Variants in PSG11 observed in about 807,000 individuals in gnomAD.
PSG11 encodes the protein pregnancy specific beta-1-glycoprotein 11.
Under a neutral mutation model 36.0 loss-of-function variants are expected in PSG11, and 42 were observed. The observed-to-expected ratio is 1.17, with a 90% CI of 0.91 to 1.51. The LOEUF is 1.51. Ranked by LOEUF, PSG11 falls within the 40% of genes most tolerant of loss-of-function variation. PSG11 has a pLI of 0.00. For missense variants in PSG11, 558 were observed against 403.5 expected (o/e 1.38, Z -3.28); for synonymous variants, 206 against 153.5 (o/e 1.34, Z -2.53).
intron 2 of PSG11, among the ~76,000 whole-genome samples, chr19:43,023,009 A>G (rs1053497636): frequency 1.3e-4 from 19 of 150,768 alleles, no homozygotes; most frequent in Non-Finnish European, 1.8e-4. Flanking sequence ...AGAAGCAGAG[A>G]GAGGCAGAGA....
intron 4 of PSG11, chr19:43,014,887 C>T: frequency 2.1e-6 from 3 of 1,396,484 alleles, no homozygotes; most frequent in South Asian, 1.5e-5. Context: ...CTGATAAAGC[C>T]CCCTCCCTAC....
At position 43,024,903 on chromosome 19, in the gene PSG11, C is replaced by G. The variant is rs142187643; in HGVS notation, c.218G>C (p.Arg73Thr). 1.4e-4 allele frequency: 229 copies of G among 1,611,734 alleles called. 8 individuals carry two copies. The African/African-American group carries it at 2.1e-3, about 15-fold the overall frequency. ...TGYIWYKGQIRDLYHYITSYV... is the reference protein window; with the variant it reads ...TGYIWYKGQITDLYHYITSYV... ...TGATGTAATGTAATGGTAGAGGTCC[C>G]TGATTTGCCCTTTGTACCAGATGTA... Residue 73 changes from arginine to threonine, a missense_variant, in exon 2 of 6, where the codon AGG becomes ACG. Coordinates refer to ENST00000320078, the MANE Select transcript of PSG11 (RefSeq NM_002785.3).
rs771065536 is a variant in PSG11, at chr19:43,010,060, A to T, written c.965-19T>A. ...GGAGGAGCTGTCATGGAAAGAAAAG[A>T]AAAGAAGGAATGAAGGTGATGTTAT... On this transcript the variant is annotated intron_variant, in intron 4 of 5. Coordinates refer to ENST00000320078, the MANE Select transcript of PSG11 (RefSeq NM_002785.3). 4.9e-5 allele frequency: 79 copies of T among 1,606,336 alleles called. 3 individuals carry two copies. The East Asian group carries it at 5.8e-4, about 12-fold the overall frequency.
chr19:43,018,887 T>C lies in PSG11; in HGVS notation c.592A>G (p.Thr198Ala), dbSNP rs749780493. ...CCAAATAGAAAGAGGGTCCTGTTGG[T>C]TTCAGACAGCTGCATCCTATGAGTC... ...PMTHRMQLSE[T>A]NRTLFLFGVT... Residue 198 changes from threonine (T) to alanine (A), a missense_variant, in exon 3 of 6, where the codon ACC becomes GCC. Coordinates refer to ENST00000320078, the MANE Select transcript of PSG11 (RefSeq NM_002785.3). 81 of 1,611,894 alleles carry C rather than the reference T, an allele frequency of 5.0e-5. 2 individuals carry two copies. Among genetic ancestry groups the C allele is most frequent in the Non-Finnish European group, 6.7e-5 (79 of 1,179,068 alleles).
chr19:43,009,778 G>A (rs954059623), intron 5 of PSG11, among the ~76,000 whole-genome samples, 180 bp downstream of exon 5: 8 of 151,306 alleles, frequency 5.3e-5, no homozygotes, highest in Non-Finnish European at 1.0e-4. Flanking sequence ...AAAAGACAGT[G>A]GGGTACAGGG....
intron 1 of PSG11, 100 bp from the exon 2 acceptor site, chr19:43,025,156 T>C (rs1416000829): frequency 2.1e-6 from 3 of 1,406,402 alleles, no homozygotes; most frequent in Non-Finnish European, 2.8e-6. Context: ...TCCTCAGCCT[T>C]GAAGACACAC....
intron 2 of PSG11, among the ~76,000 whole-genome samples, chr19:43,023,500 T>G (rs1248803661): frequency 1.3e-5 from 2 of 151,102 alleles, no homozygotes; most frequent in East Asian, 1.9e-4. Flanking sequence ...GCCTGGACAT[T>G]TTTTTTGCAC....
intron 4 of PSG11, among the ~76,000 whole-genome samples, chr19:43,010,917 A>C: frequency 6.7e-6 from 1 of 148,524 alleles, no homozygotes; most frequent in Non-Finnish European, 1.5e-5. Context: ...ATATATATGG[A>C]AAAAGGAAGG....
Position 43,018,916 on chromosome 19 carries a change from G to A in PSG11, c.563C>T (p.Pro188Leu). The change falls in exon 3 of 6, where the codon CCT (proline) becomes CTT (leucine). Residue 188 changes from proline (P) to leucine (L), a missense_variant. Pro to Leu is a moderately conservative substitution (Grantham distance 98). Coordinates refer to ENST00000320078, the MANE Select transcript of PSG11 (RefSeq NM_002785.3). ...AGACAGCTGCATCCTATGAGTCATA[G>A]GGAGGCTCTGACCATTCATCCACCA... ...YLWWMNGQSL[P>L]MTHRMQLSET... The A allele has an allele frequency of 6.2e-7, 1 of 1,612,074 alleles. No individual in the cohort carries two copies. The highest frequency in any genetic ancestry group is 8.5e-7 in the Non-Finnish European group (1 of 1,179,102).
intron 2 of PSG11, 147 bp from the exon 3 acceptor site, chr19:43,019,195 G>A (rs1422916999): frequency 1.4e-6 from 2 of 1,473,874 alleles, no homozygotes; most frequent in Admixed American, 2.3e-5. Flanking sequence ...CAACACAGAT[G>A]CATGGCATTC....
intron 2 of PSG11, among the ~76,000 whole-genome samples, chr19:43,023,368 T>C (rs879005733): frequency 7.3e-5 from 11 of 150,858 alleles, no homozygotes; most frequent in African/African-American, 1.7e-4. Context: ...TGTGCTGGTG[T>C]AGGGAGTGAG....
intron 1 of PSG11, among the ~76,000 whole-genome samples, chr19:43,026,061 C>T (rs747957023): frequency 6.7e-6 from 1 of 148,912 alleles, no homozygotes; most frequent in African/African-American, 2.5e-5. Context: ...CCTGCCTTGG[C>T]CTCCTGAGTA....
intron 3 of PSG11, among the ~76,000 whole-genome samples, chr19:43,016,541 C>A (rs1178800199): frequency 1.3e-5 from 2 of 151,338 alleles, no homozygotes; most frequent in Non-Finnish European, 2.9e-5. Context: ...AGCAGCCTGG[C>A]CTGGGACTGG....
intron 4 of PSG11, chr19:43,014,503 G>T: frequency 3.1e-6 from 3 of 976,526 alleles, no homozygotes; most frequent in Non-Finnish European, 3.7e-6. Context: ...AGCCTGGCCC[G>T]GGGGAGGCTT....
chr19:43,026,152 G>A (rs1461744779), intron 1 of PSG11, among the ~76,000 whole-genome samples, 157 bp downstream of exon 1: 12 of 149,818 alleles, frequency 8.0e-5, no homozygotes, highest in Middle Eastern at 3.4e-3. Flanking sequence ...TCTGTTGGCT[G>A]GACTGATCTT....
At chr19:43,017,652 C>T (rs1461974854) in intron 3 of PSG11, 1 of 151,282 alleles carries the variant, frequency 6.6e-6, no homozygotes, top group Non-Finnish European at 1.5e-5. Flanking sequence ...AAAAATGTTA[C>T]TGGGATTCTA....
At chr19:43,008,136 A>C in intron 5 of PSG11, 94 bp from the exon 6 acceptor site, 1 of 312,362 alleles carries the variant, frequency 3.2e-6, no homozygotes, top group Non-Finnish European at 6.2e-6. Context: ...ATTTAAAATG[A>C]CTATGTTTAA....
chr19:43,017,168 G>A (rs1966988365), intron 3 of PSG11: 1 of 151,276 alleles, frequency 6.6e-6, no homozygotes, highest in African/African-American at 2.4e-5. Flanking sequence ...GAGATCTGCT[G>A]TAGAGCTTGA....
intron 4 of PSG11, 182 bp from the exon 5 acceptor site, chr19:43,010,223 T>A (rs1370810330): frequency 6.9e-7 from 1 of 1,452,718 alleles, no homozygotes; most frequent in Non-Finnish European, 9.1e-7. Flanking sequence ...TCTCACCATG[T>A]TTCTCAGTTG....
Sources: allele counts gnomAD v4.1 joint callset (sites outside exome capture counted in the v4.1 genomes callset), GRCh38; gene constraint gnomAD v4.1.1; transcripts MANE v1.5; gene names NCBI Gene and HGNC (gene_info 2026-07-23, HGNC 2026-07-21).